ENPP1: variants seen among roughly 807,000 people sequenced by gnomAD.
ENPP1 encodes the protein ectonucleotide pyrophosphatase/phosphodiesterase 1, also known as ectonucleotide pyrophosphatase/phosphodiesterase family member 1.
Under a neutral mutation model 122.8 loss-of-function variants are expected in ENPP1, and 73 were observed. The ratio of observed to expected loss-of-function variants is 0.59; its 90% CI spans 0.49 to 0.72. The LOEUF is 0.72. Among genes scored for constraint, ENPP1 ranks in the 30% least tolerant of loss-of-function variants. The pLI, the probability that ENPP1 is intolerant of heterozygous loss-of-function variation, is 0.00. For missense variants in ENPP1, 978 were observed against 1,128.1 expected, an observed-to-expected ratio of 0.87 and a Z score of 1.91; for synonymous variants, 367 against 391.6, an observed-to-expected ratio of 0.94 and a Z score of 0.74.
At chr6:131,827,816 A>C (rs1257092044) in intron 1 of ENPP1, 1 of 1,110,274 alleles carries the variant, frequency 9.0e-7, no homozygotes, top group East Asian at 2.4e-5. Context: ...TGCTTTCTGG[A>C]ATCTATGTCA....
At chr6:131,864,976 C>T (rs1385174650) in intron 11 of ENPP1, 38 bp downstream of exon 11, 1 of 1,295,134 alleles carries the variant, frequency 7.7e-7, no homozygotes, top group Admixed American at 1.7e-5. Flanking sequence ...TCATTAAACC[C>T]AGTCATCAAA....
chr6:131,840,044 G>A (rs974279670), intron 1 of ENPP1, among the ~76,000 whole-genome samples: 2 of 152,242 alleles, frequency 1.3e-5, no homozygotes, highest in South Asian at 4.1e-4. Context: ...TAATATAGAT[G>A]TTTTATGGCA....
At position 131,858,653 on chromosome 6, in the gene ENPP1, T is replaced by G; in HGVS notation, c.716-15T>G. The G allele has an allele frequency of 6.5e-7, 1 of 1,538,354 alleles. No homozygotes were observed. Among genetic ancestry groups the G allele is most frequent in the East Asian group, 2.3e-5 (1 of 44,280 alleles). Reference sequence around the variant, plus strand: ...AGATGTATTTAATAACAATGTTTATTTTTTTCCCTTCTAGAAAAATGTGGA... The same window carrying G: ...AGATGTATTTAATAACAATGTTTATGTTTTTCCCTTCTAGAAAAATGTGGA... On this transcript the variant is annotated splice_polypyrimidine_tract_variant and intron_variant, in intron 6 of 24. Transcript: ENST00000647893.
At chr6:131,890,241 T>C (rs920642974) in intron 24 of ENPP1, 100 bp from the exon 25 acceptor site, 8 of 971,738 alleles carry the variant, frequency 8.2e-6, no homozygotes, top group African/African-American at 6.4e-5. Flanking sequence ...ACTTCAGAGC[T>C]GAAATCTCGT....
intron 1 of ENPP1, among the ~76,000 whole-genome samples, chr6:131,832,773 TC>T (rs1781629624): frequency 6.6e-6 from 1 of 152,142 alleles, no homozygotes; most frequent in African/African-American, 2.4e-5. Context: ...TCTTAGGGCC[TC>T]CCCATGTGGT....
intron 6 of ENPP1, among the ~76,000 whole-genome samples, chr6:131,855,436 G>A (rs9493111): frequency 0.012 from 1,865 of 152,050 alleles, 41 homozygotes; most frequent in African/African-American, 0.041. Context: ...AGTGATTCTC[G>A]TGCCACAGCC....
At position 131,872,923 on chromosome 6, in the gene ENPP1, T is replaced by C; in HGVS notation, c.1438T>C (p.Cys480Arg). 1.9e-6 allele frequency: 3 copies of C among 1,613,706 alleles called. No homozygotes were observed. Among genetic ancestry groups the C allele is most frequent in the Non-Finnish European group, 2.5e-6 (3 of 1,179,698 alleles). The change falls in exon 15 of 25, where the codon TGC (cysteine) becomes CGC (arginine). Residue 480 changes from cysteine to arginine, a missense_variant and splice_region_variant. Around this residue, in one of 3 missense-constraint regions of ENPP1, gnomAD observed 644 missense variants for 781.5 expected, o/e 0.82. Transcript: ENST00000647893. ...NYEGIARNLSCREPNQHFKPY... is the reference protein window; with the variant it reads ...NYEGIARNLSRREPNQHFKPY... The stretch of plus-strand genomic sequence containing the variant: ...TTTTCTTTGCTGTTTGCAATTTCAG[T>C]GCCGGGAACCAAACCAGCACTTCAA...
intron 1 of ENPP1, among the ~76,000 whole-genome samples, chr6:131,843,659 C>CT (rs11442011): frequency 0.27 from 37,589 of 140,490 alleles, 7,300 homozygotes; most frequent in African/African-American, 0.56. Context: ...GGCATGTCGT[C>CT]TTTTTTTTTT....
chr6:131,819,072 A>T (rs190346051), intron 1 of ENPP1, among the ~76,000 whole-genome samples: 55 of 152,330 alleles, frequency 3.6e-4, no homozygotes, highest in East Asian at 1.5e-3. Flanking sequence ...ATTGATGAAG[A>T]TAGCGAGGAA....
intron 3 of ENPP1, among the ~76,000 whole-genome samples, chr6:131,850,846 A>G (rs919192105): frequency 5.9e-5 from 9 of 152,232 alleles, no homozygotes; most frequent in African/African-American, 2.2e-4. Flanking sequence ...CTTAGATTAA[A>G]TTTTAGCAGG....
chr6:131,855,309 C>T (rs1781931740), intron 6 of ENPP1, among the ~76,000 whole-genome samples: 1 of 151,670 alleles, frequency 6.6e-6, no homozygotes, highest in Admixed American at 6.6e-5. Flanking sequence ...TGAAAAAGTC[C>T]CTTGTTTATT....
In ENPP1 at chr6:131,882,436, A is replaced by G. The variant is rs1309341593; in HGVS notation, c.2192A>G (p.Asn731Ser). ...SPVHKCSFYKNNTKVSYGFLS... is the reference protein window; with the variant it reads ...SPVHKCSFYKSNTKVSYGFLS... Reference sequence around the variant, plus strand: ...GTCCATAAATGTTCATTTTATAAAAATAACACCAAAGTGAGTTACGGGTTC... The same window carrying G: ...GTCCATAAATGTTCATTTTATAAAAGTAACACCAAAGTGAGTTACGGGTTC... The change falls in exon 21 of 25, where the codon AAT (asparagine) becomes AGT (serine). Residue 731 changes from asparagine (N) to serine (S), a missense_variant. Physicochemically the swap from Asn to Ser is conservative, Grantham distance 46. Transcript: ENST00000647893. The G allele has an allele frequency of 1.2e-6, 2 of 1,610,266 alleles. No homozygotes were observed. The highest frequency in any genetic ancestry group is 1.7e-4 in the Middle Eastern group (1 of 6,040).
At chr6:131,810,997 C>T (rs1781342569) in intron 1 of ENPP1, among the ~76,000 whole-genome samples, 1 of 152,090 alleles carries the variant, frequency 6.6e-6, no homozygotes, top group African/African-American at 2.4e-5. Flanking sequence ...GAGGGAAAAA[C>T]AAGTATTATT....
rs767763593 is a variant in ENPP1, at chr6:131,874,375, A to C, written c.1635+38A>C. On this transcript the variant is annotated intron_variant, in intron 16 of 24. Coordinates refer to ENST00000647893, the MANE Select transcript of ENPP1 (RefSeq NM_006208.3). Reference sequence around the variant, plus strand: ...ATTATACTTAATTGGATTAAATCTAAAGAAAAAATGATATGCAAAGTTTTA... The same window carrying C: ...ATTATACTTAATTGGATTAAATCTACAGAAAAAATGATATGCAAAGTTTTA... 2.5e-6 allele frequency: 3 copies of C among 1,203,868 alleles called. No individual in the cohort carries two copies. In the South Asian group the frequency reaches 3.8e-5, roughly 15 times the overall value. The allele number at this position is 1,203,868 out of a possible 1,614,324, so 74.6% of individuals were successfully genotyped here.
intron 1 of ENPP1, among the ~76,000 whole-genome samples, chr6:131,818,873 G>T (rs928742855): frequency 6.6e-6 from 1 of 152,058 alleles, no homozygotes; most frequent in African/African-American, 2.4e-5. Context: ...GAACTGACAA[G>T]CTTTTTATTT....
intron 1 of ENPP1, among the ~76,000 whole-genome samples, chr6:131,818,928 G>A (rs182276887): frequency 3.3e-5 from 5 of 152,272 alleles, no homozygotes; most frequent in African/African-American, 1.2e-4. Context: ...AGTGATGTTA[G>A]CTTGTCCCTT....
Position 131,890,436 on chromosome 6 carries a change from T to G in ENPP1, c.2703T>G (p.Tyr901Ter). Reference protein sequence around the residue: ...DVEHITGLSFYQQRKEPVSDI... With the variant: ...DVEHITGLSF ...AGCACATCACTGGACTCAGCTTCTA[T>G]CAACAAAGAAAAGAGCCAGTTTCAG... Residue 901 changes from tyrosine (Y) to a stop codon, truncating the protein, a stop_gained, in exon 25 of 25, where the codon TAT becomes TAG. Coordinates refer to ENST00000647893, the MANE Select transcript of ENPP1 (RefSeq NM_006208.3). LOFTEE classifies it high-confidence loss of function. 3.1e-6 allele frequency: 5 copies of G among 1,613,870 alleles called. No homozygotes were observed. The highest frequency in any genetic ancestry group is 4.2e-6 in the Non-Finnish European group (5 of 1,179,700).
intron 1 of ENPP1, among the ~76,000 whole-genome samples, chr6:131,843,151 T>G (rs1248969032): frequency 1.3e-5 from 2 of 152,184 alleles, no homozygotes; most frequent in African/African-American, 4.8e-5. Flanking sequence ...ACAGGAAAAT[T>G]CAAACTAAAT....
chr6:131,831,747 A>G (rs1781617100), intron 1 of ENPP1, among the ~76,000 whole-genome samples: 1 of 152,202 alleles, frequency 6.6e-6, no homozygotes, highest in South Asian at 2.1e-4. Flanking sequence ...TGCTATTAAT[A>G]GGTCTTGTCA....
Sources: gnomAD v4.1 joint callset for allele counts (sites outside exome capture counted in the v4.1 genomes callset) on GRCh38, gnomAD v4.1.1 for gene constraint, gnomAD v4.1.1 regional missense constraint, MANE v1.5 for transcripts, NCBI Gene and HGNC (gene_info 2026-07-23, HGNC 2026-07-21) for gene names.